Variants in RGS6 observed in about 807,000 individuals in gnomAD.
RGS6 encodes the protein regulator of G-protein signaling 6.
A neutral mutation model predicts 78.5 loss-of-function variants in RGS6; 30 were observed. The ratio of observed to expected loss-of-function variants is 0.38; its 90% CI spans 0.29 to 0.52. The LOEUF is 0.52. RGS6 is among the 20% of genes least tolerant of loss of function. The pLI, the probability that RGS6 is intolerant of heterozygous loss-of-function variation, is 0.85. For missense variants in RGS6, 495 were observed against 609.7 expected, an observed-to-expected ratio of 0.81 and a Z score of 1.98; for synonymous variants, 206 against 206.0, an observed-to-expected ratio of 1.00 and a Z score of 0.00.
chr14:72,286,284 A>G (rs2062535786), intron 2 of RGS6, among the ~76,000 whole-genome samples: 1 of 152,180 alleles, frequency 6.6e-6, no homozygotes, highest in South Asian at 2.1e-4. Context: ...TCCATTGTAT[A>G]TTCTTGGCAC....
chr14:72,529,596 C>T (rs567100452), intron 15 of RGS6, among the ~76,000 whole-genome samples: 9 of 152,204 alleles, frequency 5.9e-5, no homozygotes, highest in Admixed American at 1.3e-4. Flanking sequence ...CCTCCTTGCC[C>T]CTTGATTGTC....
At chr14:72,065,784 T>A (rs1449156438) in intron 2 of RGS6, among the ~76,000 whole-genome samples, 2 of 151,954 alleles carry the variant, frequency 1.3e-5, no homozygotes, top group African/African-American at 2.4e-5. Flanking sequence ...TTTATTTTTT[T>A]ATTATACTTT....
At chr14:72,580,304 A>C in the RGS6 span, among the ~76,000 whole-genome samples, 1 of 137,220 alleles carries the variant, frequency 7.3e-6, no homozygotes, top group Non-Finnish European at 1.5e-5. Flanking sequence ...CTCAGCAAAA[A>C]TGTCCCCCCC....
intron 2 of RGS6, among the ~76,000 whole-genome samples, chr14:72,016,141 T>A (rs2086914882): frequency 6.6e-6 from 1 of 152,244 alleles, no homozygotes; most frequent in African/African-American, 2.4e-5. Flanking sequence ...CCCAATGTCA[T>A]AAGAATAATT....
intron 2 of RGS6, among the ~76,000 whole-genome samples, chr14:72,278,892 G>A (rs1320379736): frequency 6.6e-6 from 1 of 152,080 alleles, no homozygotes; most frequent in Admixed American, 6.5e-5. Context: ...GGTTTCTGGT[G>A]ATTCCCCACT....
At chr14:71,936,919 A>T (rs2089527993) in intron 1 of RGS6, among the ~76,000 whole-genome samples, 1 of 152,186 alleles carries the variant, frequency 6.6e-6, no homozygotes, top group South Asian at 2.1e-4. Context: ...TACAGCAAGC[A>T]CCTCAGCAGG....
chr14:72,479,488 C>G (rs992409288), intron 12 of RGS6, among the ~76,000 whole-genome samples: 2 of 152,166 alleles, frequency 1.3e-5, no homozygotes, highest in African/African-American at 2.4e-5. Context: ...CTGTGAGAAC[C>G]AAAAATGTCT....
chr14:72,484,593 A>G (rs1234191941), intron 12 of RGS6, among the ~76,000 whole-genome samples: 1 of 152,196 alleles, frequency 6.6e-6, no homozygotes, highest in Non-Finnish European at 1.5e-5. Context: ...TCTTTTGTTA[A>G]GAGAGAAAGG....
the RGS6 span, among the ~76,000 whole-genome samples, chr14:72,600,570 G>GACACAC: frequency 4.0e-5 from 6 of 148,636 alleles, no homozygotes; most frequent in East Asian, 2.0e-4. Flanking sequence ...AAGCCAGGCA[G>GACACAC]ACACACACAC....
chr14:72,506,323 C>T (rs905747257), intron 13 of RGS6, among the ~76,000 whole-genome samples: 8 of 152,294 alleles, frequency 5.3e-5, no homozygotes, highest in Middle Eastern at 3.4e-3. Context: ...AAGGAAATAT[C>T]GCTACACAAT....
the RGS6 span, among the ~76,000 whole-genome samples, chr14:72,573,716 G>C: frequency 5.3e-5 from 8 of 152,164 alleles, no homozygotes; most frequent in African/African-American, 1.9e-4. Flanking sequence ...CTCTAAGCCA[G>C]CTCCAACCCC....
intron 1 of RGS6, among the ~76,000 whole-genome samples, chr14:71,935,022 C>T (rs2088807780): frequency 6.6e-6 from 1 of 152,160 alleles, no homozygotes; most frequent in Admixed American, 6.5e-5. Context: ...ATTGGTATTG[C>T]TCTGAACCTA....
chr14:72,302,349 G>A (rs1284975805), intron 2 of RGS6, among the ~76,000 whole-genome samples: 1 of 152,194 alleles, frequency 6.6e-6, no homozygotes, highest in Non-Finnish European at 1.5e-5. Flanking sequence ...TGGCTACAGT[G>A]CCAACTCTTT....
At position 72,322,968 on chromosome 14, in the gene RGS6, C is replaced by T. The variant is rs138821931; in HGVS notation, c.85-29127C>T. Among the ~76,000 whole-genome samples the T allele has an allele frequency of 2.9e-3, 443 of 152,134 alleles. 2 individuals are homozygous for T. The highest frequency in any genetic ancestry group is 0.01 in the African/African-American group (425 of 41,528). ...CTGATACAACTGCTGAAGAAAGTGT[C>T]ATTAATGTCGGCTACAAGGAAAGAT... On this transcript the variant is annotated intron_variant, in intron 2 of 17. Transcript: ENST00000553525.
intron 2 of RGS6, among the ~76,000 whole-genome samples, chr14:72,078,558 C>T (rs756019648): frequency 1.3e-5 from 2 of 152,072 alleles, no homozygotes; most frequent in African/African-American, 2.4e-5. Flanking sequence ...GGATTACAGG[C>T]GCCCGTCACC....
rs544744693 is a variant in RGS6 at position 72,388,956 on chromosome 14, G to T, written c.184+36762G>T. Among the ~76,000 whole-genome samples, 253 of 150,218 alleles carry T rather than the reference G, an allele frequency of 1.7e-3. 1 individual carries two copies. Among genetic ancestry groups the T allele is most frequent in the African/African-American group, 4.1e-3 (162 of 39,612 alleles). On this transcript the variant is annotated intron_variant, in intron 3 of 17. Coordinates refer to ENST00000553525, the MANE Select transcript of RGS6 (RefSeq NM_001204424.2). The stretch of plus-strand genomic sequence containing the variant: ...ATACTGTAAGTGATTCCCATTATTA[G>T]TAGTAGTAGTAGTATTGTTACTGTG...
chr14:71,902,716 A>G, the RGS6 span, among the ~76,000 whole-genome samples: 33,923 of 152,174 alleles, frequency 0.22, 4,551 homozygotes, highest in African/African-American at 0.38. Flanking sequence ...AACAAAATAA[A>G]TAAAAACATA....
At chr14:72,550,086 G>C (rs768072765) in intron 17 of RGS6, among the ~76,000 whole-genome samples, 4 of 151,986 alleles carry the variant, frequency 2.6e-5, no homozygotes, top group South Asian at 2.1e-4. Context: ...TCAACTCATC[G>C]TGGGATTGTG....
chr14:72,252,617 AC>A (rs2056086291), intron 2 of RGS6, among the ~76,000 whole-genome samples: 1 of 152,214 alleles, frequency 6.6e-6, no homozygotes, highest in Admixed American at 6.5e-5. Context: ...TCTCAAAATT[AC>A]CTCTAGAAAT....
Sources: allele counts gnomAD v4.1 joint callset (sites outside exome capture counted in the v4.1 genomes callset), GRCh38; gene constraint gnomAD v4.1.1; transcripts MANE v1.5; gene names NCBI Gene and HGNC (gene_info 2026-07-23, HGNC 2026-07-21).